RPS6KC1: variants seen among roughly 807,000 people sequenced by gnomAD.
RPS6KC1 encodes the protein ribosomal protein S6 kinase C1, also known as inactive ribosomal protein S6 kinase delta-1.
RPS6KC1 carries 54 observed loss-of-function variants against 103.8 expected under a neutral mutation model. That is an observed-to-expected ratio of 0.52 (90% CI 0.42 to 0.65). The LOEUF is 0.65. Ranked by LOEUF, RPS6KC1 falls within the 30% of genes least tolerant of loss-of-function variation. RPS6KC1 has a pLI of 0.00. For synonymous variants in RPS6KC1, 439 were observed against 438.7 expected (o/e 1.00, Z -0.01); for missense variants, 1,151 against 1,253.8 (o/e 0.92, Z 1.24).
the RPS6KC1 span, among the ~76,000 whole-genome samples, chr1:213,376,708 C>T: frequency 6.6e-6 from 1 of 152,112 alleles, no homozygotes; most frequent in Non-Finnish European, 1.5e-5. Flanking sequence ...TAGGGGGTCC[C>T]CTGGGGCTCC....
intron 8 of RPS6KC1, among the ~76,000 whole-genome samples, chr1:213,226,046 AC>A (rs1436035483): frequency 6.6e-6 from 1 of 151,494 alleles, no homozygotes; most frequent in African/African-American, 2.4e-5. Flanking sequence ...ACACGGTGAA[AC>A]CCTGTCTCTA....
At chr1:213,286,015 C>A in the RPS6KC1 span, among the ~76,000 whole-genome samples, 1 of 152,140 alleles carries the variant, frequency 6.6e-6, no homozygotes, top group East Asian at 1.9e-4. Context: ...TAAGGCAGAA[C>A]CGTCTGACGT....
the RPS6KC1 span, among the ~76,000 whole-genome samples, chr1:213,841,587 C>T: frequency 9.2e-5 from 14 of 152,210 alleles, no homozygotes; most frequent in African/African-American, 4.8e-5. Flanking sequence ...TTCTGAGTCT[C>T]CTCACTTCCT....
At chr1:213,384,514 A>T in the RPS6KC1 span, among the ~76,000 whole-genome samples, 1 of 152,022 alleles carries the variant, frequency 6.6e-6, no homozygotes, top group Non-Finnish European at 1.5e-5. Flanking sequence ...GGAGGCTTGC[A>T]TGATGGTTAG....
chr1:213,533,183 A>T, the RPS6KC1 span, among the ~76,000 whole-genome samples: 1 of 152,158 alleles, frequency 6.6e-6, no homozygotes, highest in East Asian at 1.9e-4. Flanking sequence ...GGCTGCCATG[A>T]TGGTGCATGC....
chr1:213,230,588 A>G, intron 9 of RPS6KC1, 44 bp downstream of exon 9: 1 of 1,455,744 alleles, frequency 6.9e-7, no homozygotes, highest in Non-Finnish European at 9.5e-7. Context: ...TAATTCCAGC[A>G]CTTTGGGAGA....
chr1:213,534,459 A>G, the RPS6KC1 span, among the ~76,000 whole-genome samples: 1 of 152,210 alleles, frequency 6.6e-6, no homozygotes, highest in South Asian at 2.1e-4. Flanking sequence ...AGAGGTTACC[A>G]GGCTTCCTAA....
chr1:213,205,428 G>A, intron 8 of RPS6KC1: 2 of 960,108 alleles, frequency 2.1e-6, no homozygotes, highest in Non-Finnish European at 2.5e-6. Context: ...TGATGTGGAT[G>A]GTGGGAAGTA....
At chr1:213,559,466 T>C in the RPS6KC1 span, among the ~76,000 whole-genome samples, 2 of 152,258 alleles carry the variant, frequency 1.3e-5, no homozygotes, top group East Asian at 1.9e-4. Flanking sequence ...ATAAAATAAA[T>C]TGGCAAATGA....
At chr1:213,763,759 G>A in the RPS6KC1 span, among the ~76,000 whole-genome samples, 1 of 152,220 alleles carries the variant, frequency 6.6e-6, no homozygotes, top group East Asian at 1.9e-4. Context: ...AATTACAAAT[G>A]TCTTAGGCTC....
At chr1:213,712,711 G>A in the RPS6KC1 span, among the ~76,000 whole-genome samples, 2 of 152,156 alleles carry the variant, frequency 1.3e-5, no homozygotes, top group South Asian at 2.1e-4. Flanking sequence ...TATCTGGGCC[G>A]GATACCACCG....
chr1:213,659,742 G>T, the RPS6KC1 span, among the ~76,000 whole-genome samples: 1 of 151,382 alleles, frequency 6.6e-6, no homozygotes, highest in Non-Finnish European at 1.5e-5. Context: ...TGTGTAAATA[G>T]ACCAGAGGTG....
At chr1:213,213,488 A>G (rs1054250569) in intron 8 of RPS6KC1, among the ~76,000 whole-genome samples, 19 of 152,336 alleles carry the variant, frequency 1.2e-4, no homozygotes, top group Middle Eastern at 3.4e-3. Flanking sequence ...GTCAGGTAGT[A>G]TCAGTCCTCC....
the RPS6KC1 span, among the ~76,000 whole-genome samples, chr1:213,347,851 A>G: frequency 1.3e-5 from 2 of 152,218 alleles, no homozygotes; most frequent in East Asian, 1.9e-4. Flanking sequence ...ACGTACCCCC[A>G]TCTGCAAAGT....
intron 14 of RPS6KC1, among the ~76,000 whole-genome samples, chr1:213,266,755 T>A (rs1412229827): frequency 6.6e-6 from 1 of 151,730 alleles, no homozygotes. Flanking sequence ...ATACAAAAAT[T>A]AGTCGGTCGT....
chr1:213,133,293 TGTGTG>T (rs1474977841), intron 6 of RPS6KC1, among the ~76,000 whole-genome samples: 2 of 152,182 alleles, frequency 1.3e-5, no homozygotes, highest in African/African-American at 4.8e-5. Flanking sequence ...GATTAATCTA[TGTGTG>T]GGCTTATTGG....
chr1:213,814,644 G>A, the RPS6KC1 span, among the ~76,000 whole-genome samples: 1 of 152,114 alleles, frequency 6.6e-6, no homozygotes, highest in Non-Finnish European at 1.5e-5. Flanking sequence ...TTCACTGAAT[G>A]GTTATTCAGG....
chr1:213,051,325 T>C lies in RPS6KC1; in HGVS notation c.-80T>C, dbSNP rs544023955. 397 of 1,102,750 alleles carry C rather than the reference T, an allele frequency of 3.6e-4. No individual in the cohort carries two copies. Among genetic ancestry groups the C allele is most frequent in the African/African-American group, 3.3e-3 (211 of 63,956 alleles). The allele number at this position is 1,102,750 out of a possible 1,614,324, so 68.3% of individuals were successfully genotyped here. On this transcript the variant is annotated 5_prime_UTR_variant, in exon 1 of 15. Coordinates refer to ENST00000366960, the MANE Select transcript of RPS6KC1 (RefSeq NM_012424.6). ...CCCCCTCGCCGCTTCGCCGCTGCGT[T>C]GGGGAACCTGGACCGCGGCGGCGCC...
chr1:213,740,141 C>T, the RPS6KC1 span, among the ~76,000 whole-genome samples: 897 of 152,234 alleles, frequency 5.9e-3, 4 homozygotes, highest in Non-Finnish European at 0.01. Flanking sequence ...TCTCTAGGAA[C>T]ATTTTCTTTT....
Sources: allele counts gnomAD v4.1 joint callset (sites outside exome capture counted in the v4.1 genomes callset), GRCh38; gene constraint gnomAD v4.1.1; transcripts MANE v1.5; gene names NCBI Gene and HGNC (gene_info 2026-07-23, HGNC 2026-07-21).